The following NELL1 variants were observed in gnomAD, a reference collection of about 807,000 sequenced individuals.
The protein encoded by NELL1 is protein kinase C-binding protein NELL1.
Under a neutral mutation model 107.4 loss-of-function variants are expected in NELL1, and 76 were observed. That is an observed-to-expected ratio of 0.71 (90% CI 0.59 to 0.86). NELL1 has a LOEUF of 0.86. Ranked by LOEUF, NELL1 falls within the 40% of genes least tolerant of loss-of-function variation. NELL1 has a pLI of 0.00. For missense variants in NELL1, 1,024 were observed against 1,005.5 expected, an observed-to-expected ratio of 1.02 and a Z score of -0.25; for synonymous variants, 353 against 341.2, an observed-to-expected ratio of 1.03 and a Z score of -0.38.
At chr11:20,984,706 T>A (rs1042138760) in intron 12 of NELL1, among the ~76,000 whole-genome samples, 1 of 152,096 alleles carries the variant, frequency 6.6e-6, no homozygotes, top group East Asian at 1.9e-4. Context: ...GTCATCACCA[T>A]CCTGTGTCCT....
chr11:21,191,491 G>T lies in NELL1; in HGVS notation c.1427-37841G>T, dbSNP rs571736934. Among the ~76,000 whole-genome samples, 10 of 151,950 alleles carry T rather than the reference G, an allele frequency of 6.6e-5. No homozygotes were observed. The South Asian group carries it at 1.5e-3, about 22-fold the overall frequency. Reference sequence around the variant, plus strand: ...TTTTTAGCCCAGTGAGACCCATTTTGGACTTCAGACCTCCAAAAGTGGAAG... The same window carrying T: ...TTTTTAGCCCAGTGAGACCCATTTTTGACTTCAGACCTCCAAAAGTGGAAG... On this transcript the variant is annotated intron_variant, in intron 13 of 19. Transcript: ENST00000357134.
intron 13 of NELL1, among the ~76,000 whole-genome samples, chr11:21,115,645 C>T (rs922553666): frequency 6.6e-5 from 10 of 151,834 alleles, no homozygotes; most frequent in African/African-American, 2.4e-4. Context: ...AAAGTCTTCC[C>T]ACCCTGAATG....
chr11:21,199,799 C>T (rs1857228260), intron 13 of NELL1, among the ~76,000 whole-genome samples: 1 of 151,090 alleles, frequency 6.6e-6, no homozygotes, highest in South Asian at 2.1e-4. Flanking sequence ...CCTCCCCAGC[C>T]CCCCACCCCC....
chr11:21,459,587 C>T (rs544798659), intron 15 of NELL1, among the ~76,000 whole-genome samples: 3 of 144,490 alleles, frequency 2.1e-5, no homozygotes, highest in African/African-American at 8.5e-5. Flanking sequence ...AGATTGAGGA[C>T]TTTGATGTTA....
chr11:21,413,072 A>G (rs1417465225), intron 15 of NELL1, among the ~76,000 whole-genome samples: 2 of 152,106 alleles, frequency 1.3e-5, no homozygotes, highest in East Asian at 3.9e-4. Context: ...GTAGCAAAAC[A>G]TATGAGAAAC....
intron 12 of NELL1, among the ~76,000 whole-genome samples, chr11:20,973,327 C>CA (rs1851539108): frequency 6.6e-6 from 1 of 152,060 alleles, no homozygotes; most frequent in African/African-American, 2.4e-5. Flanking sequence ...AGGCTGGTCT[C>CA]AAACTCCTGA....
At chr11:21,384,229 G>A (rs1851681036) in intron 15 of NELL1, among the ~76,000 whole-genome samples, 1 of 151,778 alleles carries the variant, frequency 6.6e-6, no homozygotes, top group African/African-American at 2.4e-5. Flanking sequence ...TGAAACCTAA[G>A]TTATATCTTG....
chr11:21,140,290 A>G (rs1855837702), intron 13 of NELL1, among the ~76,000 whole-genome samples: 1 of 152,204 alleles, frequency 6.6e-6, no homozygotes, highest in South Asian at 2.1e-4. Flanking sequence ...ACTCTTTTAA[A>G]CCAGTAAGAT....
chr11:20,823,292 C>T lies in NELL1; in HGVS notation c.336-24291C>T, dbSNP rs539353359. On this transcript the variant is annotated intron_variant, in intron 3 of 19. Coordinates refer to ENST00000357134, the MANE Select transcript of NELL1 (RefSeq NM_006157.5). The stretch of plus-strand genomic sequence containing the variant: ...AACTCCTGATAAAACCATCAGATCT[C>T]GTGAGACTTATATCTACCACCACTA... Among the ~76,000 whole-genome samples, 21 of 151,204 alleles carry T rather than the reference C, an allele frequency of 1.4e-4. 2 individuals are homozygous for T. Among genetic ancestry groups the T allele is most frequent in the Admixed American group, 2.7e-4 (4 of 14,996 alleles).
At chr11:21,155,649 C>T (rs1389889131) in intron 13 of NELL1, among the ~76,000 whole-genome samples, 1 of 151,926 alleles carries the variant, frequency 6.6e-6, no homozygotes, top group African/African-American at 2.4e-5. Flanking sequence ...GCATTGTGAC[C>T]CTTGCCAAGA....
chr11:20,872,107 C>T (rs2134088858), intron 4 of NELL1, among the ~76,000 whole-genome samples: 1 of 150,576 alleles, frequency 6.6e-6, no homozygotes, highest in Admixed American at 6.6e-5. Context: ...GGGGCAGGAG[C>T]TCCCAGCCAA....
intron 16 of NELL1, among the ~76,000 whole-genome samples, chr11:21,545,413 G>A (rs1200897763): frequency 1.3e-5 from 2 of 151,964 alleles, no homozygotes; most frequent in Non-Finnish European, 2.9e-5. Context: ...GAGAAAGGAA[G>A]ACATGGGTTG....
intron 15 of NELL1, among the ~76,000 whole-genome samples, chr11:21,498,522 T>C (rs1855048363): frequency 1.3e-5 from 2 of 151,684 alleles, no homozygotes; most frequent in African/African-American, 4.8e-5. Context: ...TAGTATTCTA[T>C]TTGAAGAAGA....
At chr11:21,213,017 T>C (rs951674857) in intron 13 of NELL1, among the ~76,000 whole-genome samples, 30 of 152,166 alleles carry the variant, frequency 2.0e-4, no homozygotes, top group African/African-American at 7.2e-4. Flanking sequence ...AGTCTCAAGT[T>C]ACAAGATCAA....
intron 4 of NELL1, among the ~76,000 whole-genome samples, chr11:20,869,324 A>G (rs944678130): frequency 1.3e-5 from 2 of 152,206 alleles, no homozygotes; most frequent in African/African-American, 4.8e-5. Flanking sequence ...AGAAATTTTC[A>G]TTTATGCATG....
At chr11:21,298,657 C>A (rs1289155590) in intron 14 of NELL1, among the ~76,000 whole-genome samples, 1 of 151,910 alleles carries the variant, frequency 6.6e-6, no homozygotes, top group Admixed American at 6.6e-5. Context: ...CAGTTTCTGC[C>A]CAGGGTCTAT....
intron 12 of NELL1, among the ~76,000 whole-genome samples, chr11:20,991,077 G>C (rs1459295443): frequency 6.6e-6 from 1 of 152,126 alleles, no homozygotes; most frequent in East Asian, 1.9e-4. Context: ...CCTAGGATGG[G>C]GATTATCCTA....
intron 2 of NELL1, among the ~76,000 whole-genome samples, chr11:20,700,856 G>A (rs1286853018): frequency 6.6e-6 from 1 of 152,112 alleles, no homozygotes; most frequent in Non-Finnish European, 1.5e-5. Context: ...TTTTATGGCT[G>A]CCTAGTATTC....
chr11:21,115,644 C>T (rs746980034), intron 13 of NELL1, among the ~76,000 whole-genome samples: 12 of 151,738 alleles, frequency 7.9e-5, no homozygotes, highest in Non-Finnish European at 1.6e-4. Context: ...TAAAGTCTTC[C>T]CACCCTGAAT....
Sources: gnomAD v4.1 joint callset for allele counts (sites outside exome capture counted in the v4.1 genomes callset) on GRCh38, gnomAD v4.1.1 for gene constraint, MANE v1.5 for transcripts, NCBI Gene and HGNC (gene_info 2026-07-23, HGNC 2026-07-21) for gene names.